Variants in SLC24A4 observed in about 807,000 individuals in gnomAD.
The protein encoded by SLC24A4 is sodium/potassium/calcium exchanger 4.
Under a neutral mutation model 79.0 loss-of-function variants are expected in SLC24A4, and 53 were observed. The observed-to-expected ratio is 0.67, with a 90% CI of 0.54 to 0.84. SLC24A4 has a LOEUF of 0.84. Ranked by LOEUF, SLC24A4 falls within the 40% of genes least tolerant of loss-of-function variation. The pLI is 0.00. For synonymous variants in SLC24A4, 323 were observed against 323.8 expected (o/e 1.00, Z 0.03); for missense variants, 731 against 822.0 (o/e 0.89, Z 1.35).
At chr14:92,450,580 G>A (rs988771095) in intron 10 of SLC24A4, 1 of 152,462 alleles carries the variant, frequency 6.6e-6, no homozygotes, top group Non-Finnish European at 1.5e-5. Flanking sequence ...CCTCAGAAGG[G>A]GAAGGAGCCA....
chr14:92,439,095 A>G (rs980096096), intron 3 of SLC24A4, among the ~76,000 whole-genome samples: 9 of 152,238 alleles, frequency 5.9e-5, no homozygotes, highest in African/African-American at 1.9e-4. Context: ...AATGAGCCGC[A>G]GTGGCCTGAG....
chr14:92,376,058 CTTACTA>C (rs1322279279), intron 2 of SLC24A4, among the ~76,000 whole-genome samples: 5 of 152,210 alleles, frequency 3.3e-5, no homozygotes, highest in African/African-American at 1.2e-4. Flanking sequence ...TCATAACACA[CTTACTA>C]TTTCTTCTGT....
At chr14:92,492,860 G>A (rs1156719527) in intron 16 of SLC24A4, 1 of 455,712 alleles carries the variant, frequency 2.2e-6, no homozygotes, top group Non-Finnish European at 4.4e-6. Context: ...CCAGCCCCAG[G>A]AAGCCTTGAT....
chr14:92,356,227 A>G (rs1887174863), intron 2 of SLC24A4, among the ~76,000 whole-genome samples: 2 of 152,154 alleles, frequency 1.3e-5, no homozygotes, highest in Admixed American at 6.5e-5. Flanking sequence ...GGTAGATTCA[A>G]TGCATTGTTG....
chr14:92,397,296 G>A (rs976497021), intron 2 of SLC24A4, among the ~76,000 whole-genome samples: 2 of 152,266 alleles, frequency 1.3e-5, no homozygotes, highest in Admixed American at 6.5e-5. Context: ...CTTCTGCTCC[G>A]GCTTGGCATC....
chr14:92,360,157 C>A (rs1412059963), intron 2 of SLC24A4, among the ~76,000 whole-genome samples: 1 of 152,222 alleles, frequency 6.6e-6, no homozygotes, highest in Admixed American at 6.5e-5. Flanking sequence ...CTCTTGACCT[C>A]ATAATCTGCC....
intron 12 of SLC24A4, among the ~76,000 whole-genome samples, chr14:92,465,494 G>T (rs1894050869): frequency 6.6e-6 from 1 of 152,200 alleles, no homozygotes; most frequent in South Asian, 2.1e-4. Flanking sequence ...GCTTCAGGGT[G>T]GGGGCTGTGG....
At position 92,493,514 on chromosome 14, in the gene SLC24A4, G is replaced by C. The variant is rs147307554; in HGVS notation, c.1755G>C (p.Arg585=). 4 of 1,614,250 alleles carry C rather than the reference G, an allele frequency of 2.5e-6. No homozygotes were observed. The highest frequency in any genetic ancestry group is 3.4e-6 in the Non-Finnish European group (4 of 1,180,046). The change falls in exon 17 of 17, where the codon CGG becomes CGC. Residue 585 remains arginine (R), a synonymous_variant. Transcript: ENST00000532405. ...GIHLNKWRLD[R]KLGVYVLVLY... ...ACCTAAACAAGTGGCGACTGGACCG[G>C]AAGCTGGGTGTCTACGTGCTGGTTC...
At chr14:92,381,038 C>G (rs1377337183) in intron 2 of SLC24A4, among the ~76,000 whole-genome samples, 1 of 152,174 alleles carries the variant, frequency 6.6e-6, no homozygotes, top group Non-Finnish European at 1.5e-5. Flanking sequence ...CAACACTGAT[C>G]TAGAACCAGA....
intron 2 of SLC24A4, among the ~76,000 whole-genome samples, chr14:92,414,517 G>A (rs909268064): frequency 2.6e-5 from 4 of 152,190 alleles, no homozygotes; most frequent in African/African-American, 9.7e-5. Flanking sequence ...GGGAGGATCC[G>A]TTAAGTCCCG....
intron 2 of SLC24A4, among the ~76,000 whole-genome samples, chr14:92,403,148 A>G (rs1890197504): frequency 6.6e-6 from 1 of 152,106 alleles, no homozygotes. Flanking sequence ...GAGGTGATGC[A>G]TGGCACTTGT....
rs546636702 is a variant in SLC24A4, at chr14:92,430,231, G to A, written c.242-3681G>A. 7.9e-5 allele frequency among the ~76,000 whole-genome samples: 12 copies of A among 152,268 alleles called. No individual in the cohort carries two copies. In the East Asian group the frequency reaches 2.1e-3, roughly 27 times the overall value. ...TCTGAGGGCGCTCAGGGTCCGTCAG[G>A]GTCTCATCCAGCCATTCCTAGACAG... is the stretch of plus-strand genomic sequence containing the variant. On this transcript the variant is annotated intron_variant, in intron 2 of 16. Coordinates refer to ENST00000532405, the MANE Select transcript of SLC24A4 (RefSeq NM_153646.4).
intron 7 of SLC24A4, among the ~76,000 whole-genome samples, chr14:92,443,860 C>T (rs1892643124): frequency 6.6e-6 from 1 of 152,144 alleles, no homozygotes. Context: ...CAGGGTCACT[C>T]ATGTGGCTGT....
rs1886178324 is a variant in SLC24A4, at chr14:92,342,106, C to T, written c.241+16128C>T. Among the ~76,000 whole-genome samples the T allele has an allele frequency of 2.0e-5, 3 of 152,002 alleles. No homozygotes were observed. In the South Asian group the frequency reaches 6.2e-4, roughly 32 times the overall value. Reference sequence around the variant, plus strand: ...GATGTTGCTGCCTCTTCCACAGTCCCCGAGCCCCAAGCTCATCACCAATAC... The same window carrying T: ...GATGTTGCTGCCTCTTCCACAGTCCTCGAGCCCCAAGCTCATCACCAATAC... On this transcript the variant is annotated intron_variant, in intron 2 of 16. Transcript: ENST00000532405.
At chr14:92,342,585 G>A (rs993641200) in intron 2 of SLC24A4, among the ~76,000 whole-genome samples, 9 of 152,186 alleles carry the variant, frequency 5.9e-5, no homozygotes, top group African/African-American at 2.2e-4. Flanking sequence ...GTTTTGCCAT[G>A]TTGGCCAGGC....
chr14:92,371,104 T>G (rs1394388161), intron 2 of SLC24A4, among the ~76,000 whole-genome samples: 2 of 152,208 alleles, frequency 1.3e-5, no homozygotes, highest in African/African-American at 2.4e-5. Context: ...AGAAATTACT[T>G]CCTTTCTGAT....
At chr14:92,358,952 C>T (rs1246973747) in intron 2 of SLC24A4, among the ~76,000 whole-genome samples, 1 of 152,034 alleles carries the variant, frequency 6.6e-6, no homozygotes, top group Admixed American at 6.6e-5. Context: ...TCCCAAAGTA[C>T]TGGGATTACA....
At chr14:92,460,600 CTCAG>C (rs1174598173) in intron 12 of SLC24A4, among the ~76,000 whole-genome samples, 8 of 152,164 alleles carry the variant, frequency 5.3e-5, no homozygotes, top group Non-Finnish European at 1.0e-4. Flanking sequence ...AGATGATCCT[CTCAG>C]TCAGTAAACA....
At chr14:92,488,818 G>T (rs1377562559) in intron 14 of SLC24A4, among the ~76,000 whole-genome samples, 1 of 152,212 alleles carries the variant, frequency 6.6e-6, no homozygotes, top group East Asian at 1.9e-4. Context: ...GCCAGAGTCA[G>T]CTGGGTGGAC....
Sources: allele counts gnomAD v4.1 joint callset (sites outside exome capture counted in the v4.1 genomes callset), GRCh38; gene constraint gnomAD v4.1.1; transcripts MANE v1.5; gene names NCBI Gene and HGNC (gene_info 2026-07-23, HGNC 2026-07-21).